The following PTBP2 variants were observed in gnomAD, a reference collection of about 807,000 sequenced individuals.
The protein encoded by PTBP2 is polypyrimidine tract binding protein 2, also known as polypyrimidine tract-binding protein 2.
A neutral mutation model predicts 61.4 loss-of-function variants in PTBP2; 13 were observed. The ratio of observed to expected loss-of-function variants is 0.21; its 90% CI spans 0.14 to 0.34. The LOEUF is 0.34. Ranked by LOEUF, PTBP2 falls within the 10% of genes least tolerant of loss-of-function variation. PTBP2 has a pLI of 1.00. For missense variants in PTBP2, 405 were observed against 642.6 expected (o/e 0.63, Z 4.00); for synonymous variants, 215 against 218.5 (o/e 0.98, Z 0.14).
intron 5 of PTBP2, among the ~76,000 whole-genome samples, chr1:96,772,898 A>C (rs958840984): frequency 5.3e-5 from 8 of 150,764 alleles, no homozygotes; most frequent in African/African-American, 1.5e-4. Flanking sequence ...GGATTACCTG[A>C]GGTCAGGAGT....
chr1:96,782,773 A>G (rs1289766166), intron 7 of PTBP2, among the ~76,000 whole-genome samples: 1 of 152,022 alleles, frequency 6.6e-6, no homozygotes, highest in East Asian at 1.9e-4. Context: ...TAAGTTATCA[A>G]TAGTAAACGA....
chr1:96,799,534 G>A lies in PTBP2; in HGVS notation c.905-5266G>A, dbSNP rs1397288553. On this transcript the variant is annotated intron_variant, in intron 8 of 13. Coordinates refer to ENST00000674951, the MANE Select transcript of PTBP2 (RefSeq NM_021190.4). Reference sequence around the variant, plus strand: ...GATGGTCTCGATCTCCTGACCTTGTGATAGATCAAGTATTTTTATCCCTCT... The same window carrying A: ...GATGGTCTCGATCTCCTGACCTTGTAATAGATCAAGTATTTTTATCCCTCT... Among the ~76,000 whole-genome samples, 12 of 152,062 alleles carry A rather than the reference G, an allele frequency of 7.9e-5. No individual in the cohort carries two copies. In the East Asian group the frequency reaches 1.4e-3, roughly 17 times the overall value.
chr1:96,735,965 A>G (rs1333748031), intron 2 of PTBP2, among the ~76,000 whole-genome samples: 1 of 152,248 alleles, frequency 6.6e-6, no homozygotes, highest in African/African-American at 2.4e-5. Context: ...TAAAGCAGCC[A>G]GAGAAAATCA....
chr1:96,815,583 CAT>C (rs1172270532), downstream of PTBP2: 2 of 152,068 alleles, frequency 1.3e-5, no homozygotes, highest in South Asian at 2.1e-4. Flanking sequence ...TGGAGTTACA[CAT>C]GTTTCTTAGG....
rs187898976 is a variant in PTBP2, at chr1:96,728,841, C to T, written c.39+5247C>T. Among the ~76,000 whole-genome samples the T allele has an allele frequency of 2.1e-4, 31 of 145,350 alleles. No individual in the cohort carries two copies. In the East Asian group the frequency reaches 2.4e-3, roughly 11 times the overall value. On this transcript the variant is annotated intron_variant, in intron 2 of 13. Coordinates refer to ENST00000674951, the MANE Select transcript of PTBP2 (RefSeq NM_021190.4). ...TTTTTTTTTTTTTTTTCAGTGCACA[C>T]GTTTTGTGCATTGTTTGATTAGATT...
intron 2 of PTBP2, among the ~76,000 whole-genome samples, chr1:96,724,512 G>T (rs1005914506): frequency 1.3e-5 from 2 of 152,012 alleles, no homozygotes; most frequent in African/African-American, 4.8e-5. Context: ...TGATCTGCCT[G>T]CCTTGACCTC....
chr1:96,794,837 A>G (rs565755534), intron 8 of PTBP2, among the ~76,000 whole-genome samples: 1 of 152,318 alleles, frequency 6.6e-6, no homozygotes, highest in East Asian at 1.9e-4. Flanking sequence ...GATAGAGTAT[A>G]TGTCATGTTT....
chr1:96,810,797 C>G (rs1194559744), intron 11 of PTBP2, among the ~76,000 whole-genome samples: 2 of 152,098 alleles, frequency 1.3e-5, no homozygotes, highest in Non-Finnish European at 2.9e-5. Flanking sequence ...AGTTATAGAA[C>G]TTTAAAATTT....
chr1:96,804,947 AAAT>A lies in PTBP2; in HGVS notation c.1044+12_1044+14del, dbSNP rs1378502277. On this transcript the variant is annotated intron_variant, in intron 9 of 13. Coordinates refer to ENST00000674951, the MANE Select transcript of PTBP2 (RefSeq NM_021190.4). Reference sequence around the variant, plus strand: ...AGCAATTTAAATGAAGAGGTTAGTAAAATAATCTCTAATGTTTATTCTTTAACT... The same window carrying A: ...AGCAATTTAAATGAAGAGGTTAGTAAAATCTCTAATGTTTATTCTTTAACT... 1.3e-6 allele frequency: 2 copies of A among 1,565,532 alleles called. No individual in the cohort carries two copies. The highest frequency in any genetic ancestry group is 2.4e-5 in the South Asian group (2 of 84,716).
intron 2 of PTBP2, among the ~76,000 whole-genome samples, chr1:96,739,205 T>C (rs1031552813): frequency 7.9e-5 from 12 of 152,180 alleles, no homozygotes; most frequent in African/African-American, 2.4e-4. Flanking sequence ...AAGTTATTAA[T>C]ATTGATAAAG....
intron 2 of PTBP2, among the ~76,000 whole-genome samples, chr1:96,746,840 C>CCTCT: frequency 1.2e-5 from 1 of 85,610 alleles, no homozygotes; most frequent in African/African-American, 5.6e-5. Flanking sequence ...TGTCTGTCTC[C>CCTCT]CTCCCTCCCT....
At position 96,793,448 on chromosome 1, in the gene PTBP2, C is replaced by T. The variant is rs527512272; in HGVS notation, c.904+8194C>T. Among the ~76,000 whole-genome samples, 544 of 152,200 alleles carry T rather than the reference C, an allele frequency of 3.6e-3. 2 individuals are homozygous for T. Among genetic ancestry groups the T allele is most frequent in the Non-Finnish European group, 5.0e-3 (341 of 67,990 alleles). ...GCAGTGGCGGGATCTCTGCTCACTG[C>T]AAGCTCCGCCTCCTGGGTTCACGCC... On this transcript the variant is annotated intron_variant, in intron 8 of 13. Coordinates refer to ENST00000674951, the MANE Select transcript of PTBP2 (RefSeq NM_021190.4).
At chr1:96,728,949 A>G (rs1650980280) in intron 2 of PTBP2, among the ~76,000 whole-genome samples, 2 of 152,148 alleles carry the variant, frequency 1.3e-5, no homozygotes, top group Non-Finnish European at 2.9e-5. Flanking sequence ...TAGTGTATAG[A>G]AATGATTATG....
Position 96,812,947 on chromosome 1 carries a change from G to A in PTBP2, c.1388+19G>A, listed in dbSNP as rs1488662932. On this transcript the variant is annotated intron_variant, in intron 12 of 13. Coordinates refer to ENST00000674951, the MANE Select transcript of PTBP2 (RefSeq NM_021190.4). ...ATATCCCGTAAGTATATAAGCTAGAGTGTATTGAGATACATTCTATTTTGA... is the reference window on the plus strand; with the variant it reads ...ATATCCCGTAAGTATATAAGCTAGAATGTATTGAGATACATTCTATTTTGA... The A allele has an allele frequency of 4.4e-6, 7 of 1,588,716 alleles. No individual in the cohort carries two copies. Among genetic ancestry groups the A allele is most frequent in the Non-Finnish European group, 6.0e-6 (7 of 1,157,110 alleles).
intron 3 of PTBP2, among the ~76,000 whole-genome samples, chr1:96,758,758 A>G (rs1655448810): frequency 6.6e-6 from 1 of 152,136 alleles, no homozygotes; most frequent in African/African-American, 2.4e-5. Flanking sequence ...AAAAACAGAA[A>G]TGAAGCAAGG....
chr1:96,812,973 T>A (rs778416367), intron 12 of PTBP2, 45 bp downstream of exon 12: 2 of 1,594,056 alleles, frequency 1.3e-6, no homozygotes, highest in Admixed American at 3.3e-5. Flanking sequence ...TCTATTTTGA[T>A]AAAATATGAA....
chr1:96,764,885 A>G lies in PTBP2; in HGVS notation c.116-4818A>G, dbSNP rs191980965. ...TTCTGTGTTTTTCCAGCTCATGCCT[A>G]ATATGCTTTTGACAACTACACCACA... On this transcript the variant is annotated intron_variant, in intron 3 of 13. Transcript: ENST00000674951. Among the ~76,000 whole-genome samples, 4 of 152,252 alleles carry G rather than the reference A, an allele frequency of 2.6e-5. No individual in the cohort carries two copies. The East Asian group carries it at 7.7e-4, about 29-fold the overall frequency.
chr1:96,811,489 A>G (rs946083312), intron 11 of PTBP2, among the ~76,000 whole-genome samples: 3 of 151,966 alleles, frequency 2.0e-5, no homozygotes, highest in Admixed American at 6.6e-5. Context: ...GCACCATCTC[A>G]GCTCACTGTA....
chr1:96,733,018 TTTC>T (rs1330134800), intron 2 of PTBP2, among the ~76,000 whole-genome samples: 17 of 131,246 alleles, frequency 1.3e-4, no homozygotes, highest in East Asian at 4.9e-4. Flanking sequence ...GCTTTCTTTC[TTTC>T]TTTTTTTTTT....
Sources: gnomAD v4.1 joint callset for allele counts (sites outside exome capture counted in the v4.1 genomes callset) on GRCh38, gnomAD v4.1.1 for gene constraint, MANE v1.5 for transcripts, NCBI Gene and HGNC (gene_info 2026-07-23, HGNC 2026-07-21) for gene names.